Variants in SV2B observed in about 807,000 individuals in gnomAD.
The protein encoded by SV2B is synaptic vesicle glycoprotein 2B, also known as solute carrier family 22 member B2.
Under a neutral mutation model 73.9 loss-of-function variants are expected in SV2B, and 41 were observed. The observed-to-expected ratio is 0.56, with a 90% CI of 0.43 to 0.72. SV2B has a LOEUF of 0.72. Ranked by LOEUF, SV2B falls within the 30% of genes least tolerant of loss-of-function variation. The pLI is 0.00. For synonymous variants in SV2B, 314 were observed against 314.2 expected (o/e 1.00, Z 0.01); for missense variants, 764 against 857.8 (o/e 0.89, Z 1.37).
chr15:91,181,724 A>G (rs1358117496), intron 1 of SV2B, among the ~76,000 whole-genome samples: 1 of 151,324 alleles, frequency 6.6e-6, no homozygotes, highest in East Asian at 2.0e-4. Context: ...GACAACCATC[A>G]TGAGGCTGTC....
chr15:91,213,991 G>A (rs2045947892), intron 1 of SV2B, among the ~76,000 whole-genome samples: 1 of 152,204 alleles, frequency 6.6e-6, no homozygotes, highest in Non-Finnish European at 1.5e-5. Context: ...GTGATTCAGT[G>A]TTATTGAATG....
chr15:91,107,737 G>A (rs1050279966), intron 1 of SV2B, among the ~76,000 whole-genome samples: 30 of 152,138 alleles, frequency 2.0e-4, no homozygotes, highest in Admixed American at 1.3e-4. Context: ...AGCCTCCAAA[G>A]TAGCTGGGAA....
At chr15:91,176,924 T>G (rs2044331856) in intron 1 of SV2B, among the ~76,000 whole-genome samples, 1 of 152,228 alleles carries the variant, frequency 6.6e-6, no homozygotes, top group Non-Finnish European at 1.5e-5. Context: ...TTTTGGCTTT[T>G]GTTGCCATTG....
chr15:91,183,934 C>G (rs1210059556), intron 1 of SV2B, among the ~76,000 whole-genome samples: 2 of 151,142 alleles, frequency 1.3e-5, no homozygotes, highest in Non-Finnish European at 1.5e-5. Flanking sequence ...ATTTTCACAA[C>G]TTGCTTGACA....
intron 1 of SV2B, among the ~76,000 whole-genome samples, chr15:91,203,444 T>G (rs2045529161): frequency 6.6e-6 from 1 of 152,266 alleles, no homozygotes; most frequent in South Asian, 2.1e-4. Flanking sequence ...ATTGAAGCAT[T>G]TTAAAAAGCA....
intron 1 of SV2B, among the ~76,000 whole-genome samples, chr15:91,177,463 A>G (rs2044359688): frequency 6.6e-6 from 1 of 151,460 alleles, no homozygotes; most frequent in Admixed American, 6.6e-5. Flanking sequence ...ATGGCATTGA[A>G]TCTATAAATT....
intron 1 of SV2B, among the ~76,000 whole-genome samples, chr15:91,149,157 G>A (rs571894229): frequency 6.6e-6 from 1 of 152,362 alleles, no homozygotes; most frequent in Non-Finnish European, 1.5e-5. Context: ...GTTGAGGGCT[G>A]CTGGGGATTG....
At chr15:91,272,074 A>T (rs2048335367) in intron 9 of SV2B, among the ~76,000 whole-genome samples, 1 of 152,212 alleles carries the variant, frequency 6.6e-6, no homozygotes, top group African/African-American at 2.4e-5. Context: ...CCAAGAAGAA[A>T]CAAAAGTGCC....
chr15:91,208,116 A>G (rs79773720), intron 1 of SV2B, among the ~76,000 whole-genome samples: 1,857 of 152,252 alleles, frequency 0.012, 43 homozygotes, highest in East Asian at 0.12. Flanking sequence ...TCTGCACCCC[A>G]TCAATATCGA....
At chr15:91,248,944 T>C (rs76383984) in intron 2 of SV2B, among the ~76,000 whole-genome samples, 24 of 152,236 alleles carry the variant, frequency 1.6e-4, no homozygotes, top group African/African-American at 5.5e-4. Context: ...AGCAAATCTC[T>C]GGAGCACTCC....
intron 1 of SV2B, among the ~76,000 whole-genome samples, chr15:91,180,544 T>C (rs1298308806): frequency 3.9e-5 from 6 of 152,188 alleles, no homozygotes; most frequent in Admixed American, 1.3e-4. Context: ...CAGATGTAGA[T>C]TTGGTCTTTT....
intron 1 of SV2B, among the ~76,000 whole-genome samples, chr15:91,167,193 C>CAGT (rs1206638257): frequency 6.6e-6 from 1 of 152,096 alleles, no homozygotes; most frequent in Non-Finnish European, 1.5e-5. Context: ...AATATGGTTA[C>CAGT]AGTAGTTTTT....
rs989014765 is a variant in SV2B, at chr15:91,137,296, A to G, written c.-392+36933A>G. Among the ~76,000 whole-genome samples the G allele has an allele frequency of 3.3e-5, 5 of 152,166 alleles. No individual in the cohort carries two copies. On this transcript the variant is annotated intron_variant, in intron 1 of 12. Transcript: ENST00000394232. This position sits in a 1 kb window ranked among gnomAD's most constrained non-coding sequence, Gnocchi z 4.9. ...GTTGTTTAAGCCACCCTCATATTAG[A>G]GTCTACCCACCTCCATTGTTTTAAA...
intron 1 of SV2B, among the ~76,000 whole-genome samples, chr15:91,160,655 A>G (rs939407272): frequency 2.0e-4 from 30 of 152,178 alleles, no homozygotes; most frequent in African/African-American, 7.0e-4. Flanking sequence ...GCATAAAACC[A>G]CTATGATGAA....
At chr15:91,172,842 G>A (rs139446140) in intron 1 of SV2B, among the ~76,000 whole-genome samples, 1 of 152,174 alleles carries the variant, frequency 6.6e-6, no homozygotes, top group East Asian at 1.9e-4. Context: ...ACAGTATCTG[G>A]CTCATCATAA....
chr15:91,129,576 C>G lies in SV2B; in HGVS notation c.-392+29213C>G, dbSNP rs1415196248. 6.6e-6 allele frequency among the ~76,000 whole-genome samples: 1 copy of G among 152,182 alleles called. No individual in the cohort carries two copies. Among genetic ancestry groups the G allele is most frequent in the African/African-American group, 2.4e-5 (1 of 41,458 alleles). On this transcript the variant is annotated intron_variant, in intron 1 of 12. Coordinates refer to ENST00000394232, the MANE Select transcript of SV2B (RefSeq NM_001323032.3). The surrounding 1 kb of genome is among the most constrained non-coding windows in gnomAD (Gnocchi z 5.1). ...AACAGAAGGTCACATGTGCCCAGCA[C>G]AGCACACTGGGCACAGACTAGGACT...
intron 1 of SV2B, among the ~76,000 whole-genome samples, chr15:91,153,962 AC>A (rs2043400743): frequency 6.6e-6 from 1 of 152,102 alleles, no homozygotes; most frequent in South Asian, 2.1e-4. Context: ...TAAGGGAGAC[AC>A]AGCTTCTCTA....
At position 91,143,635 on chromosome 15, in the gene SV2B, T is replaced by TACGTGTGATGTTAACATCATTCTC. The variant is rs555615472; in HGVS notation, c.-392+43273_-392+43296dup. On this transcript the variant is annotated intron_variant, in intron 1 of 12. Coordinates refer to ENST00000394232, the MANE Select transcript of SV2B (RefSeq NM_001323032.3). The stretch of plus-strand genomic sequence containing the variant: ...CAAATCCCAGAAAACGCAGCATTCT[T>TACGTGTGATGTTAACATCATTCTC]ACGTGTGATGTTAACATCATTCTCG... 4.1e-3 allele frequency among the ~76,000 whole-genome samples: 622 copies of TACGTGTGATGTTAACATCATTCTC among 152,344 alleles called. 2 individuals carry two copies. The highest frequency in any genetic ancestry group is 6.7e-3 in the Non-Finnish European group (458 of 68,026).
intron 1 of SV2B, among the ~76,000 whole-genome samples, chr15:91,152,071 C>CTGTTTTTT (rs2043330600): frequency 7.3e-6 from 1 of 137,296 alleles, no homozygotes; most frequent in African/African-American, 2.8e-5. Context: ...AATTTTTACT[C>CTGTTTTTT]TTTTTTTTTT....
Sources: gnomAD v4.1 joint callset for allele counts (sites outside exome capture counted in the v4.1 genomes callset) on GRCh38, gnomAD v4.1.1 for gene constraint, Gnocchi (gnomAD v3.1) non-coding constraint, MANE v1.5 for transcripts, NCBI Gene and HGNC (gene_info 2026-07-23, HGNC 2026-07-21) for gene names.